Variants in PCDH15 observed in about 807,000 individuals in gnomAD.
The protein encoded by PCDH15 is protocadherin-15.
A neutral mutation model predicts 178.5 loss-of-function variants in PCDH15; 129 were observed. The observed-to-expected ratio is 0.72, with a 90% confidence interval of 0.63 to 0.84. PCDH15 has a LOEUF of 0.84. Among genes scored for constraint, PCDH15 ranks in the 40% least tolerant of loss-of-function variants. The pLI, the probability that PCDH15 is intolerant of heterozygous loss-of-function variation, is 0.00. For synonymous variants in PCDH15, 800 were observed against 732.0 expected (o/e 1.09, Z -1.50); for missense variants, 2,230 against 2,099.9 (o/e 1.06, Z -1.21).
intron 15 of PCDH15, among the ~76,000 whole-genome samples, chr10:54,110,706 C>A (rs2095004066): frequency 6.6e-6 from 1 of 152,002 alleles, no homozygotes; most frequent in Non-Finnish European, 1.5e-5. Flanking sequence ...TAACCTGGAG[C>A]TTTCTTTAAA....
chr10:54,947,176 G>C (rs1310492011), intron 2 of PCDH15, among the ~76,000 whole-genome samples: 1 of 151,874 alleles, frequency 6.6e-6, no homozygotes, highest in Non-Finnish European at 1.5e-5. Flanking sequence ...CATAACACTA[G>C]TTAACATTTC....
At chr10:54,910,768 AT>A (rs1564623470) in intron 2 of PCDH15, among the ~76,000 whole-genome samples, 2 of 152,234 alleles carry the variant, frequency 1.3e-5, no homozygotes, top group African/African-American at 4.8e-5. Context: ...TCAGTGAACT[AT>A]TAACTATTTG....
At chr10:53,909,312 C>T (rs1217362017) in intron 25 of PCDH15, among the ~76,000 whole-genome samples, 1 of 152,156 alleles carries the variant, frequency 6.6e-6, no homozygotes, top group East Asian at 1.9e-4. Context: ...TCAATTAAAT[C>T]TCTTCTCTTT....
chr10:55,598,551 T>TATATATATATATATAG (rs1842989497), intron 2 of PCDH15, among the ~76,000 whole-genome samples: 1 of 64,912 alleles, frequency 1.5e-5, no homozygotes, highest in African/African-American at 7.6e-5. Flanking sequence ...TATATATATA[T>TATATATATATATATAG]ATATATATAT....
chr10:54,541,163 A>G (rs1202521321), intron 2 of PCDH15, among the ~76,000 whole-genome samples: 5 of 152,102 alleles, frequency 3.3e-5, no homozygotes, highest in Non-Finnish European at 7.4e-5. Context: ...AGTCCTAACT[A>G]CAGCATTCAG....
At chr10:54,913,785 A>G (rs1339522786) in intron 2 of PCDH15, among the ~76,000 whole-genome samples, 2 of 120,602 alleles carry the variant, frequency 1.7e-5, no homozygotes, top group East Asian at 3.3e-4. Context: ...CCTGGATATG[A>G]GAGATAGAGT....
At chr10:55,331,380 A>T (rs547832786) in intron 2 of PCDH15, among the ~76,000 whole-genome samples, 1 of 152,134 alleles carries the variant, frequency 6.6e-6, no homozygotes, top group South Asian at 2.1e-4. Context: ...CAGAATTATT[A>T]TTAATGTATT....
intron 2 of PCDH15, among the ~76,000 whole-genome samples, chr10:55,591,381 G>C (rs571466568): frequency 6.6e-6 from 1 of 152,182 alleles, no homozygotes; most frequent in Non-Finnish European, 1.5e-5. Context: ...GCTTCAGTGA[G>C]TGGAAATCAG....
chr10:53,969,870 G>A (rs2134418906), intron 21 of PCDH15, among the ~76,000 whole-genome samples: 1 of 152,226 alleles, frequency 6.6e-6, no homozygotes, highest in Non-Finnish European at 1.5e-5. Context: ...CACTAAACAT[G>A]GAAAGGAACA....
chr10:53,939,047 A>C (rs2134055687), intron 24 of PCDH15, 92 bp from the exon 25 acceptor site: 1 of 1,297,884 alleles, frequency 7.7e-7, no homozygotes, highest in South Asian at 1.2e-5. Flanking sequence ...AAAAACACTA[A>C]AAATGCCTAT....
At chr10:54,556,610 T>C (rs1401807489) in intron 2 of PCDH15, among the ~76,000 whole-genome samples, 2 of 150,966 alleles carry the variant, frequency 1.3e-5, no homozygotes, top group African/African-American at 4.9e-5. Flanking sequence ...TAAGAAAATA[T>C]ACTTATTTTA....
At chr10:54,476,768 A>C (rs930825664) in intron 3 of PCDH15, among the ~76,000 whole-genome samples, 19 of 152,204 alleles carry the variant, frequency 1.2e-4, no homozygotes, top group Admixed American at 3.9e-4. Flanking sequence ...TTTTGTGGTC[A>C]TCTGTTATTC....
At chr10:54,922,418 A>G (rs1236935557) in intron 2 of PCDH15, among the ~76,000 whole-genome samples, 1 of 152,170 alleles carries the variant, frequency 6.6e-6, no homozygotes, top group Non-Finnish European at 1.5e-5. Flanking sequence ...TTCCAAACCC[A>G]GCCGGGCAGT....
intron 1 of PCDH15, among the ~76,000 whole-genome samples, chr10:54,713,632 A>G (rs964657583): frequency 6.6e-6 from 1 of 152,118 alleles, no homozygotes; most frequent in Non-Finnish European, 1.5e-5. Flanking sequence ...CAAATAATCA[A>G]TATGTCTAAA....
intron 2 of PCDH15, among the ~76,000 whole-genome samples, chr10:54,595,292 G>C (rs1473889274): frequency 6.6e-6 from 1 of 152,184 alleles, no homozygotes; most frequent in East Asian, 1.9e-4. Flanking sequence ...GCTGGTGTAT[G>C]ATACCAGTCT....
chr10:54,115,065 T>C (rs1300055123), intron 15 of PCDH15, among the ~76,000 whole-genome samples: 1 of 152,096 alleles, frequency 6.6e-6, no homozygotes, highest in Non-Finnish European at 1.5e-5. Flanking sequence ...AGGGAAGCTA[T>C]TGCAATAATC....
intron 2 of PCDH15, among the ~76,000 whole-genome samples, chr10:55,573,484 TCTA>T (rs1360628319): frequency 2.0e-5 from 3 of 152,116 alleles, no homozygotes; most frequent in African/African-American, 7.2e-5. Flanking sequence ...TTTCAATAAT[TCTA>T]CTACATTTCT....
intron 8 of PCDH15, among the ~76,000 whole-genome samples, chr10:54,303,149 C>T (rs1819075530): frequency 6.6e-6 from 1 of 152,064 alleles, no homozygotes; most frequent in African/African-American, 2.4e-5. Flanking sequence ...AGAGGAACTT[C>T]CACCACCTAG....
intron 2 of PCDH15, among the ~76,000 whole-genome samples, chr10:55,065,300 T>C (rs1322568208): frequency 1.3e-5 from 2 of 152,056 alleles, no homozygotes; most frequent in Non-Finnish European, 2.9e-5. Flanking sequence ...CCTCAAATTA[T>C]TGAACTCCTT....
Sources: allele counts gnomAD v4.1 joint callset (sites outside exome capture counted in the v4.1 genomes callset), GRCh38; gene constraint gnomAD v4.1.1; transcripts MANE v1.5; gene names NCBI Gene and HGNC (gene_info 2026-07-23, HGNC 2026-07-21).